Variants in TTLL11 observed in about 807,000 individuals in gnomAD.
TTLL11 encodes tubulin polyglutamylase TTLL11.
In TTLL11, 42 loss-of-function variants were observed where a neutral mutation model predicts 51.7. That is an observed-to-expected ratio of 0.81 (90% CI 0.64 to 1.05). The LOEUF is 1.05. Among genes scored for constraint, TTLL11 ranks in the 50% least tolerant of loss-of-function variants. The probability of loss-of-function intolerance (pLI) is 0.00; values close to 1 mark genes in which losing one functional copy is unlikely to be tolerated. For missense variants in TTLL11, 799 were observed against 940.4 expected, an observed-to-expected ratio of 0.85 and a Z score of 1.97; for synonymous variants, 381 against 383.5, an observed-to-expected ratio of 0.99 and a Z score of 0.08.
chr9:122,028,077 GATGC>G (rs1439376384), intron 3 of TTLL11, among the ~76,000 whole-genome samples: 2 of 152,150 alleles, frequency 1.3e-5, no homozygotes, highest in African/African-American at 4.8e-5. Flanking sequence ...GTAAGTTAAA[GATGC>G]ATTGTAAACC....
At chr9:121,959,478 A>C (rs1842142841) in intron 6 of TTLL11, among the ~76,000 whole-genome samples, 1 of 152,142 alleles carries the variant, frequency 6.6e-6, no homozygotes, top group African/African-American at 2.4e-5. Flanking sequence ...GACTGGCACC[A>C]GCAGCCACCC....
chr9:121,838,761 AAAGCAAGCAAGCAAGCAAGAAAGC>A (rs1228184112), intron 8 of TTLL11, among the ~76,000 whole-genome samples: 95 of 86,996 alleles, frequency 1.1e-3, no homozygotes, highest in African/African-American at 3.1e-3. Context: ...AGAAAGAGAG[AAAGCAAGCAAGCAAGCAAGAAAGC>A]AAGCAAGCAA....
chr9:122,037,177 T>C (rs982566096), intron 2 of TTLL11, among the ~76,000 whole-genome samples: 2 of 152,218 alleles, frequency 1.3e-5, no homozygotes, highest in Admixed American at 6.5e-5. Context: ...TGATGATTCA[T>C]GTCTTAGGAA....
chr9:122,089,669 G>C (rs1421509044), intron 1 of TTLL11, among the ~76,000 whole-genome samples: 3 of 152,144 alleles, frequency 2.0e-5, no homozygotes, highest in Admixed American at 2.0e-4. Flanking sequence ...TGTGCATTAG[G>C]GACATAAGTC....
At chr9:121,965,190 G>A (rs980749283) in intron 6 of TTLL11, among the ~76,000 whole-genome samples, 3 of 152,170 alleles carry the variant, frequency 2.0e-5, no homozygotes, top group African/African-American at 7.2e-5. Flanking sequence ...TGCAGGGTCA[G>A]GGTTCCTGAT....
At chr9:121,953,987 C>G (rs972658370) in intron 6 of TTLL11, among the ~76,000 whole-genome samples, 41 of 152,166 alleles carry the variant, frequency 2.7e-4, no homozygotes, top group Admixed American at 1.2e-3. Flanking sequence ...AGCCCAAGCC[C>G]TTGCTGAAGA....
intron 3 of TTLL11, among the ~76,000 whole-genome samples, chr9:122,017,741 G>A (rs1012599644): frequency 3.9e-5 from 6 of 151,984 alleles, no homozygotes; most frequent in South Asian, 2.1e-4. Context: ...GATTACAGGC[G>A]TGAGCCACCG....
intron 3 of TTLL11, among the ~76,000 whole-genome samples, chr9:121,998,696 T>C (rs1843365163): frequency 6.6e-6 from 1 of 152,144 alleles, no homozygotes; most frequent in Admixed American, 6.5e-5. Flanking sequence ...ATTGCTCAAT[T>C]GCAGTATTGA....
intron 1 of TTLL11, among the ~76,000 whole-genome samples, chr9:122,083,038 G>T (rs575420738): frequency 6.6e-6 from 1 of 151,770 alleles, no homozygotes; most frequent in African/African-American, 2.4e-5. Flanking sequence ...TCTCTAGAAA[G>T]AAAAAATAAA....
At chr9:121,830,982 T>C (rs971690418) in intron 8 of TTLL11, among the ~76,000 whole-genome samples, 4 of 152,118 alleles carry the variant, frequency 2.6e-5, no homozygotes, top group Non-Finnish European at 4.4e-5. Context: ...AGAGCTGACA[T>C]GGTGGCTTGG....
intron 1 of TTLL11, among the ~76,000 whole-genome samples, chr9:122,065,608 G>A (rs1461542103): frequency 1.3e-5 from 2 of 152,176 alleles, no homozygotes; most frequent in African/African-American, 2.4e-5. Flanking sequence ...AGAGGTTATG[G>A]ATTTAGAATC....
At chr9:122,074,498 T>C (rs1176067780) in intron 1 of TTLL11, among the ~76,000 whole-genome samples, 1 of 152,150 alleles carries the variant, frequency 6.6e-6, no homozygotes, top group African/African-American at 2.4e-5. Flanking sequence ...ATCAGATGAT[T>C]TTATATTTGG....
At chr9:122,066,302 G>T (rs1283083674) in intron 1 of TTLL11, among the ~76,000 whole-genome samples, 1 of 151,978 alleles carries the variant, frequency 6.6e-6, no homozygotes, top group African/African-American at 2.4e-5. Flanking sequence ...TTTAAAAAGT[G>T]CTTTAAATGA....
rs572060066 is a variant in TTLL11, at chr9:121,981,882, C to T, written c.1270-6903G>A. Among the ~76,000 whole-genome samples, 11 of 152,312 alleles carry T rather than the reference C, an allele frequency of 7.2e-5. No individual in the cohort carries two copies. In the East Asian group the frequency reaches 2.1e-3, roughly 29 times the overall value. On this transcript the variant is annotated intron_variant, in intron 4 of 8. Coordinates refer to ENST00000321582, the MANE Select transcript of TTLL11 (RefSeq NM_001139442.2). ...CACTCTGTTCGGGGCTCAAATGCCTCCGTGCCCTGTGTGAGCCCTGGAAAT... is the reference window on the plus strand; with the variant it reads ...CACTCTGTTCGGGGCTCAAATGCCTTCGTGCCCTGTGTGAGCCCTGGAAAT...
intron 1 of TTLL11, among the ~76,000 whole-genome samples, chr9:122,040,128 C>T (rs1003996936): frequency 6.6e-6 from 1 of 152,122 alleles, no homozygotes; most frequent in African/African-American, 2.4e-5. Flanking sequence ...CAGGGCAGGG[C>T]AGCTGTGCTT....
At chr9:121,880,836 C>A (rs749340401) in intron 6 of TTLL11, among the ~76,000 whole-genome samples, 1 of 152,208 alleles carries the variant, frequency 6.6e-6, no homozygotes, top group Non-Finnish European at 1.5e-5. Context: ...CACCTGAGGA[C>A]GCTGAAGCGT....
intron 8 of TTLL11, among the ~76,000 whole-genome samples, chr9:121,831,845 C>T (rs567336239): frequency 6.6e-5 from 10 of 152,252 alleles, no homozygotes; most frequent in Non-Finnish European, 1.0e-4. Flanking sequence ...TTAGTCTTCT[C>T]GGGCTGCAAA....
At chr9:122,082,963 G>A (rs1348883202) in intron 1 of TTLL11, among the ~76,000 whole-genome samples, 1 of 152,180 alleles carries the variant, frequency 6.6e-6, no homozygotes, top group Non-Finnish European at 1.5e-5. Flanking sequence ...GAGCCCAGGA[G>A]GTGGAGGCTG....
intron 2 of TTLL11, among the ~76,000 whole-genome samples, chr9:122,034,118 C>A (rs915978241): frequency 2.6e-5 from 4 of 152,206 alleles, no homozygotes; most frequent in Non-Finnish European, 4.4e-5. Context: ...GTAGAGGATG[C>A]CTCCTGACCA....
Sources: allele counts gnomAD v4.1 joint callset (sites outside exome capture counted in the v4.1 genomes callset), GRCh38; gene constraint gnomAD v4.1.1; transcripts MANE v1.5; gene names NCBI Gene and HGNC (gene_info 2026-07-23, HGNC 2026-07-21).